The following RBFOX3 variants were observed in gnomAD, a reference collection of about 807,000 sequenced individuals.
RBFOX3 encodes the protein RNA binding fox-1 homolog 3.
A neutral mutation model predicts 48.7 loss-of-function variants in RBFOX3; 17 were observed. That is an observed-to-expected ratio of 0.35 (90% CI 0.24 to 0.52). The LOEUF (loss-of-function observed/expected upper bound fraction) is 0.52. Among genes scored for constraint, RBFOX3 ranks in the 20% least tolerant of loss-of-function variants. The probability of loss-of-function intolerance (pLI) is 0.94; values close to 1 mark genes in which losing one functional copy is unlikely to be tolerated. For synonymous variants in RBFOX3, 212 were observed against 209.5 expected (o/e 1.01, Z -0.10); for missense variants, 382 against 497.5 (o/e 0.77, Z 2.21).
intron 2 of RBFOX3, among the ~76,000 whole-genome samples, chr17:79,356,918 G>T (rs895101554): frequency 1.3e-5 from 2 of 152,074 alleles, no homozygotes; most frequent in Admixed American, 6.6e-5. Flanking sequence ...AGCTCCTGTC[G>T]GGCTGAGCCT....
chr17:79,207,718 G>A (rs896862739), intron 4 of RBFOX3, among the ~76,000 whole-genome samples: 2 of 152,136 alleles, frequency 1.3e-5, no homozygotes, highest in African/African-American at 4.8e-5. Flanking sequence ...GCTGCCCTCT[G>A]GGGAGGACTG....
the RBFOX3 span, among the ~76,000 whole-genome samples, chr17:79,632,469 A>G: frequency 6.6e-6 from 1 of 151,888 alleles, no homozygotes; most frequent in Non-Finnish European, 1.5e-5. Flanking sequence ...TGGTGCCAGG[A>G]CCCCATGTCT....
At chr17:79,450,086 A>G (rs952932157) in intron 2 of RBFOX3, among the ~76,000 whole-genome samples, 27 of 152,208 alleles carry the variant, frequency 1.8e-4, no homozygotes, top group African/African-American at 6.0e-4. Context: ...AACACCTGAC[A>G]TACACACACA....
chr17:79,212,924 AG>A lies in RBFOX3; in HGVS notation c.-34+22841del, dbSNP rs1474078194. Among the ~76,000 whole-genome samples the A allele has an allele frequency of 1.3e-5, 2 of 152,152 alleles. No homozygotes were observed. The highest frequency in any genetic ancestry group is 2.9e-5 in the Non-Finnish European group (2 of 68,018). On this transcript the variant is annotated intron_variant, in intron 4 of 14. Coordinates refer to ENST00000693108, the MANE Select transcript of RBFOX3 (RefSeq NM_001350451.2). This position sits in a 1 kb window ranked among gnomAD's most constrained non-coding sequence, Gnocchi z 4.7. Reference sequence around the variant, plus strand: ...GGCTGGAGTGCAGTGGCGCAATCTCAGATCACTGCAACCTCCGTCTCCCAGG... The same window carrying A: ...GGCTGGAGTGCAGTGGCGCAATCTCAATCACTGCAACCTCCGTCTCCCAGG...
intron 3 of RBFOX3, among the ~76,000 whole-genome samples, chr17:79,300,175 A>G (rs986985187): frequency 3.3e-5 from 5 of 152,186 alleles, no homozygotes; most frequent in African/African-American, 9.7e-5. Context: ...AAGTGCTGGG[A>G]TTACAGGCAT....
intron 4 of RBFOX3, among the ~76,000 whole-genome samples, chr17:79,177,934 A>G (rs533984586): frequency 6.6e-6 from 1 of 152,118 alleles, no homozygotes; most frequent in Non-Finnish European, 1.5e-5. Context: ...CGTTGGGAGG[A>G]GCCCCAGTCT....
intron 3 of RBFOX3, among the ~76,000 whole-genome samples, chr17:79,257,690 C>T (rs181515557): frequency 6.6e-6 from 1 of 152,340 alleles, no homozygotes; most frequent in Non-Finnish European, 1.5e-5. Flanking sequence ...AAGCGATTCT[C>T]CCGCCTCAGC....
intron 4 of RBFOX3, among the ~76,000 whole-genome samples, chr17:79,156,267 T>C (rs73999875): frequency 2.0e-5 from 3 of 152,266 alleles, no homozygotes; most frequent in African/African-American, 7.2e-5. Context: ...GGACTCAGGT[T>C]TGGGGGTTCC....
intron 1 of RBFOX3, among the ~76,000 whole-genome samples, chr17:79,610,294 C>T (rs1031664203): frequency 2.0e-4 from 31 of 152,128 alleles, no homozygotes; most frequent in African/African-American, 7.0e-4. Context: ...GCGACAGACG[C>T]ACGTTGCACC....
chr17:79,238,697 A>T (rs530085502), intron 3 of RBFOX3, among the ~76,000 whole-genome samples: 7 of 152,316 alleles, frequency 4.6e-5, no homozygotes, highest in African/African-American at 1.7e-4. Context: ...GATTGCTGGC[A>T]TTTCTTGAGT....
intron 4 of RBFOX3, among the ~76,000 whole-genome samples, chr17:79,142,576 G>A (rs1250705507): frequency 2.6e-5 from 4 of 152,190 alleles, no homozygotes; most frequent in East Asian, 1.9e-4. Flanking sequence ...AGCGGGGCAC[G>A]GTGGCGGGAG....
At chr17:79,128,813 T>C (rs1317835132) in intron 4 of RBFOX3, among the ~76,000 whole-genome samples, 1 of 151,988 alleles carries the variant, frequency 6.6e-6, no homozygotes, top group African/African-American at 2.4e-5. Context: ...TCTTCGGGAG[T>C]CATCCCCAAG....
chr17:79,512,696 A>G (rs12451034), intron 1 of RBFOX3, among the ~76,000 whole-genome samples: 38,746 of 45,850 alleles, frequency 0.85, 17,057 homozygotes, highest in Non-Finnish European at 0.88. Flanking sequence ...CATCGGGTAC[A>G]GCCCCATGGC....
intron 4 of RBFOX3, among the ~76,000 whole-genome samples, chr17:79,161,035 T>C (rs1024406925): frequency 2.0e-5 from 3 of 151,234 alleles, no homozygotes; most frequent in Non-Finnish European, 4.4e-5. Context: ...TGCTAACTGC[T>C]AGCAACACCC....
chr17:79,661,873 A>T, the RBFOX3 span, among the ~76,000 whole-genome samples: 1 of 151,396 alleles, frequency 6.6e-6, no homozygotes, highest in Non-Finnish European at 1.5e-5. Flanking sequence ...TCTTTTTCCC[A>T]TTTTTCTGTG....
chr17:79,427,979 T>C (rs2067696494), intron 2 of RBFOX3, among the ~76,000 whole-genome samples: 1 of 152,202 alleles, frequency 6.6e-6, no homozygotes, highest in African/African-American at 2.4e-5. Context: ...CGGCTGGCAC[T>C]TCACCTGACG....
At chr17:79,544,065 A>G (rs1283958710) in intron 1 of RBFOX3, among the ~76,000 whole-genome samples, 4 of 152,172 alleles carry the variant, frequency 2.6e-5, no homozygotes, top group African/African-American at 7.2e-5. Flanking sequence ...CCCCTGTGCT[A>G]AGGAGGAGGT....
chr17:79,259,277 T>C (rs2065354105), intron 3 of RBFOX3, among the ~76,000 whole-genome samples: 1 of 152,100 alleles, frequency 6.6e-6, no homozygotes, highest in Non-Finnish European at 1.5e-5. Context: ...GGGTCGAGGG[T>C]GGAGCAGGAG....
chr17:79,247,851 G>A (rs776113715), intron 3 of RBFOX3, among the ~76,000 whole-genome samples: 27 of 152,160 alleles, frequency 1.8e-4, no homozygotes, highest in Non-Finnish European at 2.8e-4. Flanking sequence ...ACTCAACATC[G>A]AAGTGCCTCA....
Sources: gnomAD v4.1 joint callset for allele counts (sites outside exome capture counted in the v4.1 genomes callset) on GRCh38, gnomAD v4.1.1 for gene constraint, Gnocchi (gnomAD v3.1) non-coding constraint, MANE v1.5 for transcripts, NCBI Gene and HGNC (gene_info 2026-07-23, HGNC 2026-07-21) for gene names.